TNRC18: variants seen among roughly 807,000 people sequenced by gnomAD.
TNRC18 encodes the protein trinucleotide repeat containing 18, also known as trinucleotide repeat-containing gene 18 protein.
Under a neutral mutation model 226.7 loss-of-function variants are expected in TNRC18, and 69 were observed. That is an observed-to-expected ratio of 0.30 (90% CI 0.25 to 0.37). The LOEUF (loss-of-function observed/expected upper bound fraction) is 0.37. Ranked by LOEUF, TNRC18 falls within the 10% of genes least tolerant of loss-of-function variation. The probability of loss-of-function intolerance (pLI) is 1.00; values close to 1 mark genes in which losing one functional copy is unlikely to be tolerated. For synonymous variants in TNRC18, 2,449 were observed against 1,927.6 expected (o/e 1.27, Z -7.09); for missense variants, 4,754 against 4,256.6 (o/e 1.12, Z -3.25).
chr7:5,332,779 C>A lies in TNRC18; in HGVS notation c.5990G>T (p.Arg1997Leu), dbSNP rs1284628761. The A allele has an allele frequency of 6.6e-7, 1 of 1,514,204 alleles. No individual in the cohort carries two copies. The highest frequency in any genetic ancestry group is 8.8e-7 in the Non-Finnish European group (1 of 1,138,192). 93.8% of individuals were successfully genotyped at this position (1,514,204 alleles called of 1,614,324 possible). A position where few individuals can be genotyped will look rare whatever the true frequency, so the allele number is the denominator to read the frequency against. Reference sequence around the variant, plus strand: ...GTGCAGGAAGATGCGCTCGCTGCGGCGCCGCGTCCACAGGTCGTCGTCGCT... The same window carrying A: ...GTGCAGGAAGATGCGCTCGCTGCGGAGCCGCGTCCACAGGTCGTCGTCGCT... ...EASDDDLWTR[R>L]RSERIFLHDA... is the part of the protein sequence containing the mutation. The change falls in exon 19 of 30, where the codon CGC becomes CTC. Residue 1997 changes from arginine (R) to leucine (L), a missense_variant. By Grantham distance (102) the Arg-to-Leu change is moderately radical (BLOSUM62 -2). Transcript: ENST00000430969.
intron 5 of TNRC18, among the ~76,000 whole-genome samples, chr7:5,379,031 T>TA (rs968998109): frequency 1.2e-4 from 18 of 150,722 alleles, no homozygotes; most frequent in South Asian, 4.2e-4. Flanking sequence ...CCGTCTCTAC[T>TA]AAAAAAAATA....
rs2128147202 is a variant in TNRC18 at position 5,352,081 on chromosome 7, C to A, written c.5208G>T (p.Glu1736Asp). 6.2e-7 allele frequency: 1 copy of A among 1,608,014 alleles called. No homozygotes were observed. The highest frequency in any genetic ancestry group is 1.1e-5 in the South Asian group (1 of 90,426). ...CGTCCTTCAGGAATTCTTCGTCTTC[C>A]TCTGAGTCCGTATCTGCAGTCAAAG... Reference protein sequence around the residue: ...VSSYSYNTDSEEDEEFLKDEW... With the variant: ...VSSYSYNTDSDEDEEFLKDEW... Residue 1736 changes from glutamate (E) to aspartate (D), a missense_variant, in exon 17 of 30, where the codon GAG (glutamate) becomes GAT (aspartate). Glu to Asp is a conservative substitution (Grantham distance 45). Transcript: ENST00000430969.
Position 5,389,461 on chromosome 7 carries a change from G to GTTTTTT in TNRC18, c.488-131_488-126dup, listed in dbSNP as rs754143983. On this transcript the variant is annotated intron_variant, in intron 4 of 29. Coordinates refer to ENST00000430969, the MANE Select transcript of TNRC18 (RefSeq NM_001080495.3). ...TGCCTCCCCCAGTGTTTTGGTTTTG[G>GTTTTTT]TTTTTTTTTTCAGAAAGAGTCTCGC... 7.8e-5 allele frequency: 44 copies of GTTTTTT among 565,540 alleles called. 1 individual carries two copies. In the African/African-American group the frequency reaches 1.0e-3, roughly 13 times the overall value. 35.0% of individuals were successfully genotyped at this position (565,540 alleles called of 1,614,324 possible). A position where few individuals can be genotyped will look rare whatever the true frequency, so the allele number is the denominator to read the frequency against.
chr7:5,337,026 G>A (rs757014384), intron 18 of TNRC18, among the ~76,000 whole-genome samples: 1 of 152,044 alleles, frequency 6.6e-6, no homozygotes, highest in African/African-American at 2.4e-5. Flanking sequence ...GCAGATGTTG[G>A]GTGTCAGATA....
rs775095683 is a variant in TNRC18, at chr7:5,370,777, C to T, written c.3817G>A (p.Ala1273Thr). ...EVPVAVPVVE[A>T]VPEEGLAQVA... ...TGCGCCAGGCCTTCCTCGGGCACTG[C>T]CTCCACCACGGGCACCGCCACAGGC... Residue 1273 changes from alanine (A) to threonine (T), a missense_variant, in exon 11 of 30, where the codon GCA (alanine) becomes ACA (threonine). Coordinates refer to ENST00000430969, the MANE Select transcript of TNRC18 (RefSeq NM_001080495.3). The T allele has an allele frequency of 6.2e-7, 1 of 1,603,744 alleles. No individual in the cohort carries two copies.
At chr7:5,386,377 G>C (rs1227087638) in intron 5 of TNRC18, among the ~76,000 whole-genome samples, 1 of 151,964 alleles carries the variant, frequency 6.6e-6, no homozygotes, top group Non-Finnish European at 1.5e-5. Context: ...AGAAGTTTGA[G>C]ACCAGCCTGG....
chr7:5,387,503 A>G (rs1562593738), intron 5 of TNRC18, among the ~76,000 whole-genome samples, 169 bp downstream of exon 5: 2 of 152,260 alleles, frequency 1.3e-5, no homozygotes, highest in Non-Finnish European at 2.9e-5. Flanking sequence ...AAGGGAGTGG[A>G]AAACTGAACC....
chr7:5,420,492 TCCCG>T (rs752152819), intron 2 of TNRC18: 1 of 449,308 alleles, frequency 2.2e-6, no homozygotes, highest in Admixed American at 2.4e-5. Flanking sequence ...GAAAGGGGCA[TCCCG>T]CCCGCCCCGA....
At chr7:5,411,552 G>A (rs1455337596) in intron 2 of TNRC18, among the ~76,000 whole-genome samples, 2 of 149,572 alleles carry the variant, frequency 1.3e-5, no homozygotes, top group Non-Finnish European at 3.0e-5. Context: ...TAGAGGGAAA[G>A]TATTTCCCAA....
intron 4 of TNRC18, 135 bp from the exon 5 acceptor site, chr7:5,389,471 T>TTTTTTTATTTTTTC: frequency 1.1e-6 from 1 of 923,914 alleles, no homozygotes; most frequent in Non-Finnish European, 1.4e-6. Context: ...GTTTTTTTTT[T>TTTTTTTATTTTTTC]CAGAAAGAGT....
chr7:5,315,189 C>A, intron 25 of TNRC18, 41 bp from the exon 26 acceptor site: 3 of 1,583,392 alleles, frequency 1.9e-6, no homozygotes, highest in Non-Finnish European at 2.6e-6. Context: ...GGCCTGGGGT[C>A]CCCAGCTTGG....
chr7:5,308,837 T>TTCCCC, intron 29 of TNRC18, 38 bp downstream of exon 29: 2 of 834,156 alleles, frequency 2.4e-6, no homozygotes, highest in Non-Finnish European at 3.9e-6. Context: ...GAAGCAGCCA[T>TTCCCC]CCCCAACCCG....
intron 29 of TNRC18, among the ~76,000 whole-genome samples, chr7:5,308,644 C>T (rs1786847221): frequency 6.6e-6 from 1 of 152,050 alleles, no homozygotes; most frequent in African/African-American, 2.4e-5. Flanking sequence ...CAAGAATGGC[C>T]AGAGACTCAG....
chr7:5,316,388 T>C (rs1351162054), intron 24 of TNRC18, among the ~76,000 whole-genome samples: 1 of 149,648 alleles, frequency 6.7e-6, no homozygotes, highest in Admixed American at 6.8e-5. Context: ...CAAGTGATTC[T>C]CCTGCCTCGG....
At chr7:5,395,439 A>G (rs115343622) in intron 2 of TNRC18, among the ~76,000 whole-genome samples, 6,269 of 152,304 alleles carry the variant, frequency 0.041, 290 homozygotes, top group African/African-American at 0.093. Context: ...CAGCCCCGCC[A>G]TGCCCCACGT....
At chr7:5,317,766 C>T (rs1420246916) in intron 24 of TNRC18, among the ~76,000 whole-genome samples, 7 of 150,400 alleles carry the variant, frequency 4.7e-5, no homozygotes, top group Admixed American at 6.6e-5. Context: ...AATGCAATGG[C>T]GCAATCATAG....
chr7:5,378,082 A>G lies in TNRC18; in HGVS notation c.2153-58T>C, dbSNP rs1048029101. ...CCAGCACCGAGCCCATCCCAGACCC[A>G]TTGGCCCCACTGCCCTCACCCCTCC... On this transcript the variant is annotated intron_variant, in intron 5 of 29. Transcript: ENST00000430969. 3.7e-5 allele frequency: 55 copies of G among 1,478,512 alleles called. No homozygotes were observed. In the Admixed American group the frequency reaches 9.6e-4, roughly 26 times the overall value. 91.6% of individuals were successfully genotyped at this position (1,478,512 alleles called of 1,614,324 possible).
In TNRC18 at chr7:5,384,337, G is replaced by A. The variant is rs572449257; in HGVS notation, c.2152+3335C>T. 4.6e-5 allele frequency among the ~76,000 whole-genome samples: 7 copies of A among 152,316 alleles called. No individual in the cohort carries two copies. In the South Asian group the frequency reaches 1.4e-3, roughly 32 times the overall value. On this transcript the variant is annotated intron_variant, in intron 5 of 29. Coordinates refer to ENST00000430969, the MANE Select transcript of TNRC18 (RefSeq NM_001080495.3). ...GCTGGCCTCAACCTCCTAAGCTCAA[G>A]TGATCCTCCTACGTTGGCCTTCCGA...
chr7:5,374,659 T>A (rs1169332679), intron 9 of TNRC18, among the ~76,000 whole-genome samples, 175 bp from the exon 10 acceptor site: 1 of 152,152 alleles, frequency 6.6e-6, no homozygotes, highest in Non-Finnish European at 1.5e-5. Flanking sequence ...TCCCAGCCCA[T>A]GTGTCATAAG....
Sources: gnomAD v4.1 joint callset for allele counts (sites outside exome capture counted in the v4.1 genomes callset) on GRCh38, gnomAD v4.1.1 for gene constraint, MANE v1.5 for transcripts, NCBI Gene and HGNC (gene_info 2026-07-23, HGNC 2026-07-21) for gene names.